ASPRV1: variants seen among roughly 807,000 people sequenced by gnomAD.
The protein encoded by ASPRV1 is aspartic peptidase retroviral like 1.
Under a neutral mutation model 11.0 loss-of-function variants are expected in ASPRV1, and 7 were observed. The observed-to-expected ratio is 0.64, with a 90% CI of 0.36 to 1.20. The LOEUF (loss-of-function observed/expected upper bound fraction) is 1.20, where lower values mean the gene tolerates loss of function less well. Ranked by LOEUF, ASPRV1 falls within the 50% of genes most tolerant of loss-of-function variation. The pLI, the probability that ASPRV1 is intolerant of heterozygous loss-of-function variation, is 0.02. For synonymous variants in ASPRV1, 136 were observed against 138.4 expected (o/e 0.98, Z 0.12); for missense variants, 299 against 320.0 (o/e 0.93, Z 0.50).
At chr2:70,047,694 G>A in the ASPRV1 span, among the ~76,000 whole-genome samples, 2 of 152,174 alleles carry the variant, frequency 1.3e-5, no homozygotes, top group Admixed American at 1.3e-4. Context: ...AGGGGAAGAG[G>A]GATTGGAGAA....
rs1678069483 is a variant in ASPRV1, at chr2:69,960,871, A to G, written c.566T>C (p.Leu189Pro). Residue 189 changes from leucine (L) to proline (P), a missense_variant, in exon 1 of 1, where the codon CTA (leucine) becomes CCA (proline). Physicochemically the swap from Leu to Pro is moderately conservative, Grantham distance 98. Transcript: ENST00000320256. ...TTCCTCGGCACTCGCATTGGCCACTAGGAACTGTGCCTTCAGCTTCAGCTT... is the reference window on the plus strand; with the variant it reads ...TTCCTCGGCACTCGCATTGGCCACTGGGAACTGTGCCTTCAGCTTCAGCTT... ...LGKLKLKAQF[L>P]VANASAEEAI... 1 of 1,614,022 alleles carries G rather than the reference A, an allele frequency of 6.2e-7. No individual in the cohort carries two copies. Among genetic ancestry groups the G allele is most frequent in the African/African-American group, 1.3e-5 (1 of 74,920 alleles).
chr2:70,001,676 C>T, the ASPRV1 span, among the ~76,000 whole-genome samples: 8 of 152,130 alleles, frequency 5.3e-5, no homozygotes, highest in Non-Finnish European at 1.2e-4. Context: ...AGGAGAATCG[C>T]TTAAGCCCAG....
At chr2:69,962,783 G>T (rs1483339280), upstream of ASPRV1, 1 of 172,362 alleles carries the variant, frequency 5.8e-6, no homozygotes, top group Admixed American at 5.5e-5. Flanking sequence ...GTGTGATCTG[G>T]TGGTTTGTTC....
chr2:70,039,486 T>C, the ASPRV1 span, among the ~76,000 whole-genome samples: 1 of 152,312 alleles, frequency 6.6e-6, no homozygotes, highest in East Asian at 1.9e-4. Flanking sequence ...AGGAGAAGGA[T>C]GACTCCAGCT....
At chr2:69,969,454 C>A in the ASPRV1 span, among the ~76,000 whole-genome samples, 1 of 152,162 alleles carries the variant, frequency 6.6e-6, no homozygotes, top group Non-Finnish European at 1.5e-5. Context: ...GTCTTCTCTG[C>A]GCCTTTGGTT....
chr2:69,936,715 CAGGACATCAAAAGGGACTAT>C, the ASPRV1 span, among the ~76,000 whole-genome samples: 3 of 152,138 alleles, frequency 2.0e-5, no homozygotes, highest in African/African-American at 7.2e-5. Flanking sequence ...AAATTAGAAT[CAGGACATCAAAAGGGACTAT>C]TATTTCCTGC....
chr2:69,992,372 C>T, the ASPRV1 span, among the ~76,000 whole-genome samples: 11 of 152,196 alleles, frequency 7.2e-5, no homozygotes, highest in Non-Finnish European at 1.3e-4. Flanking sequence ...TTCTAGACTT[C>T]GGTCCTTCTG....
Position 69,960,862 on chromosome 2 carries a change from T to C in ASPRV1, c.575A>G (p.Asn192Ser), listed in dbSNP as rs1438619749. ...AATGATGGCTTCCTCGGCACTCGCATTGGCCACTAGGAACTGTGCCTTCAG... is the reference window on the plus strand; with the variant it reads ...AATGATGGCTTCCTCGGCACTCGCACTGGCCACTAGGAACTGTGCCTTCAG... ...LKLKAQFLVA[N>S]ASAEEAIIGT... The change falls in exon 1 of 1, where the codon AAT becomes AGT. Residue 192 changes from asparagine to serine, a missense_variant. Asn to Ser is a conservative substitution (Grantham distance 46). Coordinates refer to ENST00000320256, the MANE Select transcript of ASPRV1 (RefSeq NM_152792.4). 4 of 1,614,150 alleles carry C rather than the reference T, an allele frequency of 2.5e-6. No individual in the cohort carries two copies. The highest frequency in any genetic ancestry group is 2.2e-5 in the East Asian group (1 of 44,878).
the ASPRV1 span, among the ~76,000 whole-genome samples, chr2:70,029,158 A>T: frequency 6.6e-5 from 10 of 152,080 alleles, no homozygotes; most frequent in Non-Finnish European, 1.5e-4. Context: ...TAGGAGTGGC[A>T]ATCCAGCAGA....
the ASPRV1 span, among the ~76,000 whole-genome samples, chr2:70,044,379 A>T: frequency 6.6e-6 from 1 of 152,122 alleles, no homozygotes; most frequent in Non-Finnish European, 1.5e-5. Flanking sequence ...CTGCTAGCCC[A>T]GGGGCCAGGA....
chr2:70,021,171 G>C, the ASPRV1 span, among the ~76,000 whole-genome samples: 1 of 151,998 alleles, frequency 6.6e-6, no homozygotes, highest in Non-Finnish European at 1.5e-5. Flanking sequence ...TTCTGTAACT[G>C]GCTTGTTTCA....
the ASPRV1 span, chr2:70,051,438 T>C: frequency 6.6e-6 from 1 of 152,330 alleles, no homozygotes; most frequent in Admixed American, 6.5e-5. Flanking sequence ...ATTTTAAATA[T>C]GCATACCCTT....
chr2:69,955,251 T>A (rs1258710787), downstream of ASPRV1, among the ~76,000 whole-genome samples: 1 of 152,142 alleles, frequency 6.6e-6, no homozygotes, highest in Non-Finnish European at 1.5e-5. Flanking sequence ...GGCTGGCCCT[T>A]CCCTCGCATG....
chr2:70,005,785 T>C, the ASPRV1 span, among the ~76,000 whole-genome samples: 1 of 152,214 alleles, frequency 6.6e-6, no homozygotes, highest in African/African-American at 2.4e-5. Flanking sequence ...GCCATTCTCC[T>C]GTTCTTTGAG....
the ASPRV1 span, among the ~76,000 whole-genome samples, chr2:69,953,644 T>C: frequency 6.6e-6 from 1 of 152,236 alleles, no homozygotes; most frequent in Admixed American, 6.5e-5. Flanking sequence ...TGACTGAGAA[T>C]GAATTTCTCA....
At chr2:70,058,065 G>C in the ASPRV1 span, among the ~76,000 whole-genome samples, 2 of 152,152 alleles carry the variant, frequency 1.3e-5, no homozygotes, top group East Asian at 3.9e-4. Flanking sequence ...TTACAGGCGT[G>C]AGCCAACACG....
chr2:69,948,714 C>A, the ASPRV1 span, among the ~76,000 whole-genome samples: 4 of 152,156 alleles, frequency 2.6e-5, no homozygotes, highest in Non-Finnish European at 5.9e-5. Context: ...GGCTGCCCTG[C>A]CTCCGGGGCC....
the ASPRV1 span, among the ~76,000 whole-genome samples, chr2:69,980,815 GCCCAGGATGGAGCGCAATGGAGAGATC>G: frequency 6.6e-6 from 1 of 152,116 alleles, no homozygotes; most frequent in Non-Finnish European, 1.5e-5. Flanking sequence ...CGCTCTTGTT[GCCCAGGATGGAGCGCAATGGAGAGATC>G]TCAGCTCACT....
the ASPRV1 span, among the ~76,000 whole-genome samples, chr2:69,967,259 C>T: frequency 6.6e-6 from 1 of 152,194 alleles, no homozygotes; most frequent in Non-Finnish European, 1.5e-5. Context: ...CCTAGCTACT[C>T]AGGGATGAGC....
Sources: allele counts gnomAD v4.1 joint callset (sites outside exome capture counted in the v4.1 genomes callset), GRCh38; gene constraint gnomAD v4.1.1; transcripts MANE v1.5; gene names NCBI Gene and HGNC (gene_info 2026-07-23, HGNC 2026-07-21).